The following DIAPH2 variants were observed in gnomAD, a reference collection of about 807,000 sequenced individuals.
The protein encoded by DIAPH2 is protein diaphanous homolog 2.
A neutral mutation model predicts 92.7 loss-of-function variants in DIAPH2; 35 were observed. That is an observed-to-expected ratio of 0.38 (90% CI 0.29 to 0.50). The LOEUF is 0.50. DIAPH2 is among the 20% of genes least tolerant of loss of function. The pLI is 0.94. For synonymous variants in DIAPH2, 301 were observed against 280.4 expected (o/e 1.07, Z -0.73); for missense variants, 701 against 819.5 (o/e 0.86, Z 1.77).
chrX:97,134,144 T>C (rs2067155804), intron 21 of DIAPH2, among the ~76,000 whole-genome samples: 1 of 111,686 alleles, frequency 9.0e-6, no homozygotes, highest in Non-Finnish European at 1.9e-5. Flanking sequence ...AAGGACAGTT[T>C]AGAACACTGA....
rs758055113 is a variant in DIAPH2 at position 97,102,941 on chromosome X, A to G, written c.2349+3146A>G. Among the ~76,000 whole-genome samples, 10 of 111,278 alleles carry G rather than the reference A, an allele frequency of 9.0e-5. No individual in the cohort carries two copies. The South Asian group carries it at 3.8e-3, about 42-fold the overall frequency. On this transcript the variant is annotated intron_variant, in intron 20 of 26. Coordinates refer to ENST00000324765, the MANE Select transcript of DIAPH2 (RefSeq NM_006729.5). ...GGCCACAGAGCAAGACTCCGCCTCAAAAAAAAAGAAGGATGAGGAAACTGG... is the reference window on the plus strand; with the variant it reads ...GGCCACAGAGCAAGACTCCGCCTCAGAAAAAAAGAAGGATGAGGAAACTGG...
intron 1 of DIAPH2, among the ~76,000 whole-genome samples, chrX:96,733,438 G>A (rs773460510): frequency 9.9e-5 from 11 of 111,168 alleles, no homozygotes; most frequent in African/African-American, 3.3e-4. Flanking sequence ...TTGGGGAGCC[G>A]TGAAGTGGTC....
chrX:97,595,708 C>T (rs1001326815), intron 26 of DIAPH2, among the ~76,000 whole-genome samples: 1 of 110,688 alleles, frequency 9.0e-6, no homozygotes, highest in Non-Finnish European at 1.9e-5. Context: ...TCTCTGCTCA[C>T]CACAACCTCT....
intron 9 of DIAPH2, among the ~76,000 whole-genome samples, chrX:96,924,015 T>G (rs1408269594): frequency 8.9e-6 from 1 of 112,274 alleles, no homozygotes; most frequent in African/African-American, 3.2e-5. Flanking sequence ...CTTGATTCTT[T>G]CCACAGTGGT....
chrX:97,217,885 G>T (rs2067896359), intron 22 of DIAPH2, among the ~76,000 whole-genome samples: 2 of 110,905 alleles, frequency 1.8e-5, no homozygotes, highest in African/African-American at 6.5e-5. Context: ...AGCAGAGGTT[G>T]CAGTGAGCCG....
rs1445748218 is a variant in DIAPH2 at position 97,602,159 on chromosome X, G to A, written c.*2842G>A. ...AGGATGTGGCTATGTCTTTTAGGAA[G>A]CCACTCTTAGCCCACCAGAGTCTGC... On this transcript the variant is annotated 3_prime_UTR_variant, in exon 27 of 27. Coordinates refer to ENST00000324765, the MANE Select transcript of DIAPH2 (RefSeq NM_006729.5). 8.9e-6 allele frequency: 1 copy of A among 112,224 alleles called. No homozygotes were observed. Among genetic ancestry groups the A allele is most frequent in the Non-Finnish European group, 1.9e-5 (1 of 53,211 alleles). 9.2% of individuals were successfully genotyped at this position (112,224 alleles called of 1,213,427 possible).
chrX:96,935,756 G>T (rs1282215264), intron 10 of DIAPH2, among the ~76,000 whole-genome samples: 1 of 111,815 alleles, frequency 8.9e-6, no homozygotes, highest in Non-Finnish European at 1.9e-5. Context: ...TTTTAATTAT[G>T]CTGACTGATT....
At chrX:96,914,349 G>A (rs1401991796) in intron 7 of DIAPH2, among the ~76,000 whole-genome samples, 1 of 110,998 alleles carries the variant, frequency 9.0e-6, no homozygotes, top group East Asian at 2.8e-4. Context: ...GAAATAATGA[G>A]CATTGCTTCT....
chrX:97,510,959 G>A (rs1291146267), intron 26 of DIAPH2, among the ~76,000 whole-genome samples: 145 of 109,118 alleles, frequency 1.3e-3, no homozygotes, highest in Non-Finnish European at 2.2e-3. Flanking sequence ...CTCCAGCTTT[G>A]TTCTTTTGGC....
chrX:97,139,867 C>A (rs2147407512), intron 21 of DIAPH2, among the ~76,000 whole-genome samples: 1 of 110,579 alleles, frequency 9.0e-6, no homozygotes, highest in Admixed American at 9.7e-5. Context: ...AAAAATCACC[C>A]ATAAAATTGA....
Position 96,684,855 on chromosome X carries a change from G to C in DIAPH2, c.-204G>C. On this transcript the variant is annotated 5_prime_UTR_variant, in exon 1 of 27. Transcript: ENST00000324765. The stretch of plus-strand genomic sequence containing the variant: ...GGGGCAGGGCTTGCCCCAGCGCCGA[G>C]TAGTGGCAACGGCGTGGTTGCGTCG... 3 of 358,259 alleles carry C rather than the reference G, an allele frequency of 8.4e-6. No individual in the cohort carries two copies. Among genetic ancestry groups the C allele is most frequent in the Non-Finnish European group, 1.3e-5 (3 of 228,497 alleles). The allele number at this position is 358,259 out of a possible 1,213,427, so 29.5% of individuals were successfully genotyped here. A position where few individuals can be genotyped will look rare whatever the true frequency, so the allele number is the denominator to read the frequency against.
chrX:97,130,255 G>T lies in DIAPH2; in HGVS notation c.2590-11410G>T, dbSNP rs189727712. ...TATGATCCAGCAATTCCACTTCTGG[G>T]CATATACATAAAAGAATCGGAAGCA... On this transcript the variant is annotated intron_variant, in intron 21 of 26. Coordinates refer to ENST00000324765, the MANE Select transcript of DIAPH2 (RefSeq NM_006729.5). Among the ~76,000 whole-genome samples, 75 of 111,810 alleles carry T rather than the reference G, an allele frequency of 6.7e-4. No homozygotes were observed. In the Middle Eastern group the frequency reaches 0.014, roughly 21 times the overall value.
intron 4 of DIAPH2, among the ~76,000 whole-genome samples, chrX:96,880,710 C>T (rs367968784): frequency 1.2e-4 from 13 of 111,243 alleles, no homozygotes; most frequent in African/African-American, 3.9e-4. Flanking sequence ...AGTCTTAATT[C>T]AGGGATATAC....
chrX:97,404,338 C>T (rs1484306745), intron 25 of DIAPH2, among the ~76,000 whole-genome samples: 1 of 111,334 alleles, frequency 9.0e-6, no homozygotes, highest in Non-Finnish European at 1.9e-5. Context: ...TATTCTTGGC[C>T]GAGAAAATAG....
At chrX:97,383,327 C>G (rs748233810) in intron 24 of DIAPH2, among the ~76,000 whole-genome samples, 12 of 110,961 alleles carry the variant, frequency 1.1e-4, no homozygotes, top group Non-Finnish European at 2.1e-4. Context: ...TCATCGCCAT[C>G]ATAGACTAAA....
chrX:97,088,126 A>G (rs566583), intron 19 of DIAPH2, among the ~76,000 whole-genome samples: 1,774 of 111,823 alleles, frequency 0.016, 33 homozygotes, highest in African/African-American at 0.054. Flanking sequence ...TCTGTTTTTA[A>G]ATGCTGTAAT....
intron 26 of DIAPH2, among the ~76,000 whole-genome samples, chrX:97,489,038 A>T: frequency 8.9e-6 from 1 of 112,034 alleles, no homozygotes; most frequent in South Asian, 3.7e-4. Flanking sequence ...CTTAAGTAGT[A>T]TGGACATTTT....
intron 4 of DIAPH2, among the ~76,000 whole-genome samples, chrX:96,793,135 G>A (rs748031846): frequency 8.9e-6 from 1 of 112,137 alleles, no homozygotes; most frequent in Admixed American, 9.4e-5. Flanking sequence ...ACTATATAGA[G>A]TAATAATTTC....
chrX:97,383,277 T>C (rs1445030214), intron 24 of DIAPH2, among the ~76,000 whole-genome samples: 12 of 111,522 alleles, frequency 1.1e-4, no homozygotes, highest in Admixed American at 9.6e-4. Context: ...CTGCCCTGCA[T>C]GATTAGATGT....
Sources: allele counts gnomAD v4.1 joint callset (sites outside exome capture counted in the v4.1 genomes callset), GRCh38; gene constraint gnomAD v4.1.1; transcripts MANE v1.5; gene names NCBI Gene and HGNC (gene_info 2026-07-23, HGNC 2026-07-21).